PTPRZ1: variants seen among roughly 807,000 people sequenced by gnomAD.
The protein encoded by PTPRZ1 is protein tyrosine phosphatase receptor type Z1.
In PTPRZ1, 82 loss-of-function variants were observed where a neutral mutation model predicts 214.1. The ratio of observed to expected loss-of-function variants is 0.38; its 90% CI spans 0.32 to 0.46. The LOEUF (loss-of-function observed/expected upper bound fraction) is 0.46, where lower values mean the gene tolerates loss of function less well. PTPRZ1 is among the 20% of genes least tolerant of loss of function. The pLI is 1.00. For missense variants in PTPRZ1, 2,603 were observed against 2,748.7 expected, an observed-to-expected ratio of 0.95 and a Z score of 1.19; for synonymous variants, 945 against 987.9, an observed-to-expected ratio of 0.96 and a Z score of 0.81.
chr7:121,993,810 A>G (rs894727455), intron 8 of PTPRZ1, among the ~76,000 whole-genome samples: 7 of 152,108 alleles, frequency 4.6e-5, no homozygotes, highest in African/African-American at 1.7e-4. Flanking sequence ...ACATATAGAA[A>G]TATAGGCTTT....
At chr7:122,047,298 T>A (rs1792023179) in intron 23 of PTPRZ1, among the ~76,000 whole-genome samples, 1 of 152,158 alleles carries the variant, frequency 6.6e-6, no homozygotes, top group African/African-American at 2.4e-5. Flanking sequence ...CTGGATAGAA[T>A]GATTAAGATA....
intron 8 of PTPRZ1, among the ~76,000 whole-genome samples, chr7:121,987,589 T>A (rs1311980305): frequency 1.3e-5 from 2 of 152,214 alleles, no homozygotes; most frequent in Admixed American, 1.3e-4. Flanking sequence ...GGCTTTTTAA[T>A]AATAGCCATT....
At chr7:121,948,037 A>C (rs1168445760) in intron 2 of PTPRZ1, among the ~76,000 whole-genome samples, 4 of 152,152 alleles carry the variant, frequency 2.6e-5, no homozygotes, top group South Asian at 2.1e-4. Context: ...TTATTCTGAA[A>C]ATGTGAATTC....
At chr7:122,020,124 TTG>T (rs1798972084) in intron 13 of PTPRZ1, among the ~76,000 whole-genome samples, 2 of 152,158 alleles carry the variant, frequency 1.3e-5, no homozygotes, top group South Asian at 4.1e-4. Context: ...TTCTGTAACT[TTG>T]TATCAGCACT....
intron 1 of PTPRZ1, among the ~76,000 whole-genome samples, chr7:121,881,209 A>C (rs1247768409): frequency 2.6e-5 from 4 of 152,234 alleles, no homozygotes; most frequent in Non-Finnish European, 5.9e-5. Flanking sequence ...GCAAGAAGGC[A>C]GCCATCTGCA....
chr7:121,988,040 T>A (rs1458804039), intron 8 of PTPRZ1, among the ~76,000 whole-genome samples: 1 of 151,908 alleles, frequency 6.6e-6, no homozygotes, highest in Non-Finnish European at 1.5e-5. Flanking sequence ...GGTGGGTGAG[T>A]TAAAAAGTCT....
At chr7:121,874,065 C>CACACACACACACACA (rs1554421850) in intron 1 of PTPRZ1, among the ~76,000 whole-genome samples, 2 of 151,310 alleles carry the variant, frequency 1.3e-5, no homozygotes, top group African/African-American at 2.4e-5. Context: ...CACACACACA[C>CACACACACACACACA]CTGAAAGGTA....
chr7:121,999,394 A>G (rs1798255128), intron 10 of PTPRZ1, among the ~76,000 whole-genome samples: 1 of 152,194 alleles, frequency 6.6e-6, no homozygotes, highest in Non-Finnish European at 1.5e-5. Context: ...CATGGCAACC[A>G]TCACCAAAGT....
intron 1 of PTPRZ1, among the ~76,000 whole-genome samples, chr7:121,899,477 C>CTA (rs1214762503): frequency 1.3e-5 from 2 of 151,930 alleles, no homozygotes; most frequent in African/African-American, 4.8e-5. Flanking sequence ...AAGTTTTGTT[C>CTA]TATATATCTT....
At position 121,880,021 on chromosome 7, in the gene PTPRZ1, A is replaced by T. The variant is rs564599386; in HGVS notation, c.58+6464A>T. Reference sequence around the variant, plus strand: ...GAGATTAATGCTATTTGAAACCATTAGTTAAAAATATTTTTACTGTGTTAA... The same window carrying T: ...GAGATTAATGCTATTTGAAACCATTTGTTAAAAATATTTTTACTGTGTTAA... On this transcript the variant is annotated intron_variant, in intron 1 of 29. Coordinates refer to ENST00000393386, the MANE Select transcript of PTPRZ1 (RefSeq NM_002851.3). Among the ~76,000 whole-genome samples, 4 of 152,330 alleles carry T rather than the reference A, an allele frequency of 2.6e-5. No homozygotes were observed. In the East Asian group the frequency reaches 5.8e-4, roughly 22 times the overall value.
intron 1 of PTPRZ1, among the ~76,000 whole-genome samples, chr7:121,909,980 T>C (rs1263654704): frequency 6.6e-6 from 1 of 152,164 alleles, no homozygotes; most frequent in East Asian, 1.9e-4. Flanking sequence ...TAAATATTTT[T>C]AAAAGGGCAA....
intron 11 of PTPRZ1, among the ~76,000 whole-genome samples, chr7:122,006,301 T>C (rs907245943): frequency 3.9e-5 from 6 of 152,148 alleles, no homozygotes; most frequent in Non-Finnish European, 8.8e-5. Context: ...TATTGCTAAC[T>C]GTAGTCATCC....
intron 2 of PTPRZ1, among the ~76,000 whole-genome samples, chr7:121,943,470 G>A (rs531133169): frequency 6.6e-6 from 1 of 152,036 alleles, no homozygotes; most frequent in Non-Finnish European, 1.5e-5. Context: ...CAAGTAGCTG[G>A]GACTACAGGT....
intron 1 of PTPRZ1, among the ~76,000 whole-genome samples, chr7:121,921,661 T>C (rs1795600891): frequency 6.6e-6 from 1 of 152,184 alleles, no homozygotes; most frequent in African/African-American, 2.4e-5. Context: ...ATAAAGTTTC[T>C]ATTTAAGTTT....
intron 23 of PTPRZ1, among the ~76,000 whole-genome samples, chr7:122,045,683 TAC>T (rs71172161): frequency 0.021 from 3,139 of 146,436 alleles, 32 homozygotes; most frequent in African/African-American, 0.024. Flanking sequence ...CTAAATAAAT[TAC>T]ACACACACAC....
In PTPRZ1 at chr7:121,935,526, T is replaced by C. The variant is rs527705306; in HGVS notation, c.124+7305T>C. Among the ~76,000 whole-genome samples, 15 of 146,276 alleles carry C rather than the reference T, an allele frequency of 1.0e-4. 1 individual carries two copies. The South Asian group carries it at 2.9e-3, about 28-fold the overall frequency. On this transcript the variant is annotated intron_variant, in intron 2 of 29. Transcript: ENST00000393386. ...GTTCGTTTGTTCGTTTGTTTTTGTT[T>C]TTGTTTTTTGGGGTTTTTTTTGTTT...
At chr7:121,984,926 C>T (rs1049879448) in intron 8 of PTPRZ1, among the ~76,000 whole-genome samples, 3 of 152,118 alleles carry the variant, frequency 2.0e-5, no homozygotes, top group African/African-American at 7.2e-5. Flanking sequence ...GTGACCTTTG[C>T]ACTGGAAAGG....
rs1003242180 is a variant in PTPRZ1 at position 122,012,541 on chromosome 7, T to C, written c.3495T>C (p.Thr1165=). 1.2e-6 allele frequency: 2 copies of C among 1,614,154 alleles called. No homozygotes were observed. The highest frequency in any genetic ancestry group is 1.7e-6 in the Non-Finnish European group (2 of 1,180,006). ...CTAGTGAAATGTTATCTCCTTCAAC[T>C]CAGCTCTTATTTTATGAGACCTCAG... ...PASSEMLSPS[T]QLLFYETSAS... is the part of the protein sequence containing the mutation. The change falls in exon 12 of 30, where the codon ACT becomes ACC. Residue 1165 remains threonine (T), a synonymous_variant. Transcript: ENST00000393386.
At chr7:122,035,591 A>G (rs935655067) in intron 17 of PTPRZ1, among the ~76,000 whole-genome samples, 5 of 152,208 alleles carry the variant, frequency 3.3e-5, no homozygotes, top group African/African-American at 1.2e-4. Context: ...AAAACAATCC[A>G]GAAATTCTAA....
Sources: allele counts gnomAD v4.1 joint callset (sites outside exome capture counted in the v4.1 genomes callset), GRCh38; gene constraint gnomAD v4.1.1; transcripts MANE v1.5; gene names NCBI Gene and HGNC (gene_info 2026-07-23, HGNC 2026-07-21).